Variants in TRABD observed in about 807,000 individuals in gnomAD.
The protein encoded by TRABD is TraB domain containing.
TRABD carries 23 observed loss-of-function variants against 39.6 expected under a neutral mutation model. The ratio of observed to expected loss-of-function variants is 0.58; its 90% CI spans 0.42 to 0.82. The LOEUF (loss-of-function observed/expected upper bound fraction) is 0.82. TRABD is among the 40% of genes least tolerant of loss of function. The pLI is 0.00. For missense variants in TRABD, 487 were observed against 544.9 expected (o/e 0.89, Z 1.06); for synonymous variants, 243 against 232.1 (o/e 1.05, Z -0.43).
In TRABD at chr22:50,198,717, G is replaced by C. The variant is rs1172568618; in HGVS notation, c.*198G>C. ...AGGATTATTTAACTGTCTGAGCTCA[G>C]GCCTCCCGGCAGCCCCTCCCCTCCC... On this transcript the variant is annotated 3_prime_UTR_variant, in exon 10 of 10. Coordinates refer to ENST00000380909, the MANE Select transcript of TRABD (RefSeq NM_001320485.2). The surrounding 1 kb of genome is among the most constrained non-coding windows in gnomAD (Gnocchi z 7.9). 1 of 576,210 alleles carries C rather than the reference G, an allele frequency of 1.7e-6. No homozygotes were observed. Among genetic ancestry groups the C allele is most frequent in the Non-Finnish European group, 2.9e-6 (1 of 339,360 alleles). 35.7% of individuals were successfully genotyped at this position (576,210 alleles called of 1,614,324 possible). A position where few individuals can be genotyped will look rare whatever the true frequency, so the allele number is the denominator to read the frequency against.
Position 50,197,983 on chromosome 22 carries a change from C to G in TRABD, c.832C>G (p.Arg278Gly). The stretch of plus-strand genomic sequence containing the variant: ...GGCCGCGCGGCGCCTCGAGCTGCCT[C>G]GGGCCTCTGACGGTGACGGCCGCCC... ...RQAARRLELP[R>G]ASDAEPRKCV... Residue 278 changes from arginine (R) to glycine (G), a missense_variant, in exon 8 of 10, where the codon CGG (arginine) becomes GGG (glycine). Physicochemically the swap from Arg to Gly is moderately radical, Grantham distance 125. This residue lies in a region of TRABD where 358 missense variants were observed against 414.7 expected (regional missense o/e 0.86). Coordinates refer to ENST00000380909, the MANE Select transcript of TRABD (RefSeq NM_001320485.2). The G allele has an allele frequency of 1.2e-6, 2 of 1,612,150 alleles. No homozygotes were observed. The highest frequency in any genetic ancestry group is 1.7e-6 in the Non-Finnish European group (2 of 1,179,548).
At chr22:50,197,647 C>A in intron 7 of TRABD, 59 bp downstream of exon 7, 1 of 1,598,352 alleles carries the variant, frequency 6.3e-7, no homozygotes, top group Non-Finnish European at 8.5e-7. Context: ...AGGCTCCAGG[C>A]CCTCCTGTGC....
intron 1 of TRABD, among the ~76,000 whole-genome samples, chr22:50,188,154 C>A (rs2147084339): frequency 6.6e-6 from 1 of 152,058 alleles, no homozygotes; most frequent in East Asian, 1.9e-4. Flanking sequence ...GTGGCGCACG[C>A]CTGTAATCCC....
At chr22:50,188,661 T>A (rs1321947413) in intron 1 of TRABD, among the ~76,000 whole-genome samples, 3 of 152,198 alleles carry the variant, frequency 2.0e-5, no homozygotes, top group African/African-American at 7.2e-5. Flanking sequence ...GGCCCTGCCT[T>A]CTAATACCTT....
chr22:50,193,670 G>A lies in TRABD; in HGVS notation c.112+16G>A. Reference sequence around the variant, plus strand: ...CAGAACCTGTGTACGTGTCCCTCAGGGTCCTGGCACGTTCCCCGGTGTTGG... The same window carrying A: ...CAGAACCTGTGTACGTGTCCCTCAGAGTCCTGGCACGTTCCCCGGTGTTGG... On this transcript the variant is annotated intron_variant, in intron 3 of 9. Coordinates refer to ENST00000380909, the MANE Select transcript of TRABD (RefSeq NM_001320485.2). 1 of 1,612,750 alleles carries A rather than the reference G, an allele frequency of 6.2e-7. No individual in the cohort carries two copies. Among genetic ancestry groups the A allele is most frequent in the Admixed American group, 1.7e-5 (1 of 60,008 alleles).
At chr22:50,189,409 C>T (rs896926817) in intron 1 of TRABD, among the ~76,000 whole-genome samples, 1 of 152,236 alleles carries the variant, frequency 6.6e-6, no homozygotes, top group Non-Finnish European at 1.5e-5. Context: ...CCACCCCAGT[C>T]CTGCTCGGTG....
chr22:50,192,399 A>G (rs2063933231), intron 1 of TRABD: 3 of 152,326 alleles, frequency 2.0e-5, no homozygotes, highest in African/African-American at 7.2e-5. Flanking sequence ...GGGAGCTGTG[A>G]TGCCTCGGGG....
rs2064173809 is a variant in TRABD at position 50,197,813 on chromosome 22, C to G, written c.672-10C>G. 3 of 1,608,682 alleles carry G rather than the reference C, an allele frequency of 1.9e-6. No individual in the cohort carries two copies. The South Asian group carries it at 3.3e-5, about 18-fold the overall frequency. Reference sequence around the variant, plus strand: ...CATCCCTGCGGGGCTGCAGCCATCCCTCTCCACAGCAAGGATGACGTGGAA... The same window carrying G: ...CATCCCTGCGGGGCTGCAGCCATCCGTCTCCACAGCAAGGATGACGTGGAA... On this transcript the variant is annotated splice_polypyrimidine_tract_variant and intron_variant, in intron 7 of 9. Coordinates refer to ENST00000380909, the MANE Select transcript of TRABD (RefSeq NM_001320485.2).
chr22:50,192,992 C>A, intron 1 of TRABD, 35 bp from the exon 2 acceptor site: 1 of 1,530,834 alleles, frequency 6.5e-7, no homozygotes, highest in South Asian at 1.2e-5. Flanking sequence ...TCTGGGGCTC[C>A]AGGTGGAAAC....
intron 3 of TRABD, 103 bp from the exon 4 acceptor site, chr22:50,194,237 A>C: frequency 7.0e-7 from 1 of 1,423,684 alleles, no homozygotes; most frequent in Non-Finnish European, 9.4e-7. Context: ...GCACCTGTTC[A>C]GTTCTCAGAA....
At chr22:50,193,127 A>AG (rs1491444334) in intron 2 of TRABD, 34 bp downstream of exon 2, 8 of 1,521,636 alleles carry the variant, frequency 5.3e-6, no homozygotes, top group African/African-American at 1.4e-5. Context: ...GCACAGAGAC[A>AG]GGGGCGGGGG....
In TRABD at chr22:50,197,876, C is replaced by T; in HGVS notation, c.725C>T (p.Ala242Val). ...AAGGACCTACTGGAGCAGATGATGGCCGAGATGATTGGCGAGTTCCCAGAC... is the reference window on the plus strand; with the variant it reads ...AAGGACCTACTGGAGCAGATGATGGTCGAGATGATTGGCGAGTTCCCAGAC... ...KQKDLLEQMM[A>V]EMIGEFPDLH... The change falls in exon 8 of 10, where the codon GCC (alanine) becomes GTC (valine). Residue 242 changes from alanine (A) to valine (V), a missense_variant. Transcript: ENST00000380909. The T allele has an allele frequency of 5.0e-6, 8 of 1,593,030 alleles. No individual in the cohort carries two copies. The highest frequency in any genetic ancestry group is 6.8e-6 in the Non-Finnish European group (8 of 1,169,086).
At chr22:50,186,867 T>TA (rs2063773230) in intron 1 of TRABD, among the ~76,000 whole-genome samples, 1 of 152,256 alleles carries the variant, frequency 6.6e-6, no homozygotes, top group Non-Finnish European at 1.5e-5. Flanking sequence ...TCAAAACTCT[T>TA]ACAAGAAAGA....
intron 1 of TRABD, among the ~76,000 whole-genome samples, chr22:50,186,688 C>T (rs535373621): frequency 6.6e-5 from 10 of 152,344 alleles, no homozygotes; most frequent in African/African-American, 2.2e-4. Flanking sequence ...CCCTCCGGCC[C>T]CGCTGAAACC....
Position 50,194,837 on chromosome 22 carries a change from G to A in TRABD, c.280-63G>A, listed in dbSNP as rs1249781021. On this transcript the variant is annotated intron_variant, in intron 4 of 9. Coordinates refer to ENST00000380909, the MANE Select transcript of TRABD (RefSeq NM_001320485.2). ...CTGGGATGGGGCCCCTGGTGCTGGC[G>A]TCAGCTGTGCTGAGGGGCAGGGAGC... The A allele has an allele frequency of 2.9e-5, 45 of 1,571,362 alleles. 1 individual carries two copies. Among genetic ancestry groups the A allele is most frequent in the South Asian group, 1.4e-4 (12 of 86,090 alleles).
At chr22:50,188,063 C>G (rs1025090248) in intron 1 of TRABD, among the ~76,000 whole-genome samples, 1 of 151,886 alleles carries the variant, frequency 6.6e-6, no homozygotes, top group South Asian at 2.1e-4. Context: ...AGGTGGATCA[C>G]AAGGTCAGGA....
At position 50,194,320 on chromosome 22, in the gene TRABD, G is replaced by A. The variant is rs371792008; in HGVS notation, c.113-20G>A. On this transcript the variant is annotated intron_variant, in intron 3 of 9. Coordinates refer to ENST00000380909, the MANE Select transcript of TRABD (RefSeq NM_001320485.2). ...CTTGGGGTGGGCCCGGCACCACAAC[G>A]GCCTGTGCTGCTGTTGCAGCCGACG... 2.9e-4 allele frequency: 473 copies of A among 1,608,480 alleles called. 3 individuals carry two copies. Among genetic ancestry groups the A allele is most frequent in the Middle Eastern group, 6.9e-4 (4 of 5,828 alleles).
chr22:50,194,911 G>A lies in TRABD; in HGVS notation c.291G>A (p.Glu97=), dbSNP rs1346920886. The change falls in exon 5 of 10, where the codon GAG becomes GAA. Residue 97 remains glutamate, a synonymous_variant. Coordinates refer to ENST00000380909, the MANE Select transcript of TRABD (RefSeq NM_001320485.2). ...SKRDVVKTIR[E]VQPDVVVVEL... ...TGTGGCTGTTGCAGACCATCCGGGA[G>A]GTGCAGCCTGACGTGGTGGTCGTGG... The A allele has an allele frequency of 5.6e-6, 9 of 1,612,758 alleles. No individual in the cohort carries two copies. The highest frequency in any genetic ancestry group is 1.1e-5 in the South Asian group (1 of 91,080).
At chr22:50,193,132 C>T (rs776296636) in intron 2 of TRABD, 39 bp downstream of exon 2, 46 of 1,518,160 alleles carry the variant, frequency 3.0e-5, no homozygotes, top group Middle Eastern at 2.1e-4. Flanking sequence ...GAGACAGGGG[C>T]GGGGGGCTTC....
Sources: allele counts gnomAD v4.1 joint callset (sites outside exome capture counted in the v4.1 genomes callset), GRCh38; gene constraint gnomAD v4.1.1; regional missense constraint gnomAD v4.1.1; non-coding constraint Gnocchi (gnomAD v3.1); transcripts MANE v1.5; gene names NCBI Gene and HGNC (gene_info 2026-07-23, HGNC 2026-07-21).